The following CWC27 variants were observed in gnomAD, a reference collection of about 807,000 sequenced individuals.
CWC27 encodes CWC27 spliceosome associated cyclophilin, also known as spliceosome-associated protein CWC27 homolog.
A neutral mutation model predicts 63.6 loss-of-function variants in CWC27; 47 were observed. The observed-to-expected ratio is 0.74, with a 90% CI of 0.58 to 0.94. The LOEUF (loss-of-function observed/expected upper bound fraction) is 0.94. Ranked by LOEUF, CWC27 falls within the 40% of genes least tolerant of loss-of-function variation. The pLI, the probability that CWC27 is intolerant of heterozygous loss-of-function variation, is 0.00. For missense variants in CWC27, 495 were observed against 554.3 expected (o/e 0.89, Z 1.07); for synonymous variants, 175 against 179.8 (o/e 0.97, Z 0.22).
At chr5:64,937,192 G>A (rs1002966529) in intron 11 of CWC27, among the ~76,000 whole-genome samples, 11 of 152,130 alleles carry the variant, frequency 7.2e-5, no homozygotes, top group African/African-American at 2.2e-4. Context: ...TAATGTTATG[G>A]TGTCGATTTT....
At chr5:64,944,342 C>A (rs1177289252) in intron 11 of CWC27, among the ~76,000 whole-genome samples, 1 of 152,092 alleles carries the variant, frequency 6.6e-6, no homozygotes, top group African/African-American at 2.4e-5. Flanking sequence ...GTTAGACTTC[C>A]GTTCACACAC....
intron 11 of CWC27, among the ~76,000 whole-genome samples, chr5:64,933,795 G>A (rs1166793850): frequency 2.0e-5 from 3 of 152,142 alleles, no homozygotes; most frequent in South Asian, 2.1e-4. Flanking sequence ...CTAGCCACAT[G>A]CATACATTTT....
chr5:64,784,866 T>TC (rs1430327806), intron 4 of CWC27, among the ~76,000 whole-genome samples: 1 of 152,176 alleles, frequency 6.6e-6, no homozygotes, highest in Non-Finnish European at 1.5e-5. Flanking sequence ...GTTTATAGAT[T>TC]CCCTCCATTT....
intron 11 of CWC27, among the ~76,000 whole-genome samples, chr5:64,905,284 A>G (rs1747607989): frequency 6.6e-6 from 1 of 150,476 alleles, no homozygotes; most frequent in African/African-American, 2.5e-5. Flanking sequence ...TACCTTCTCC[A>G]CACTCAAGCT....
intron 13 of CWC27, among the ~76,000 whole-genome samples, chr5:64,994,478 TA>T (rs948545256): frequency 2.0e-5 from 3 of 152,208 alleles, no homozygotes; most frequent in Admixed American, 6.5e-5. Context: ...GGTAGGCTTT[TA>T]AAAAAACTTT....
At chr5:64,793,928 A>G (rs555939936) in intron 7 of CWC27, among the ~76,000 whole-genome samples, 4 of 152,250 alleles carry the variant, frequency 2.6e-5, no homozygotes, top group African/African-American at 9.6e-5. Flanking sequence ...GTGGGATTAC[A>G]GACACCCCTT....
chr5:64,802,412 T>G (rs1744519878), intron 9 of CWC27, among the ~76,000 whole-genome samples: 1 of 151,922 alleles, frequency 6.6e-6, no homozygotes, highest in Admixed American at 6.6e-5. Context: ...GGGGTTTGAG[T>G]TTTTTCCTAA....
chr5:64,880,958 T>A (rs1746922785), intron 10 of CWC27, among the ~76,000 whole-genome samples: 1 of 151,010 alleles, frequency 6.6e-6, no homozygotes, highest in African/African-American at 2.4e-5. Context: ...TGGCAGTATA[T>A]GGTGACATAT....
intron 8 of CWC27, 55 bp downstream of exon 8, chr5:64,800,382 T>G (rs1744447852): frequency 1.5e-6 from 2 of 1,308,460 alleles, no homozygotes; most frequent in Non-Finnish European, 2.2e-6. Flanking sequence ...TCAGATAATT[T>G]TCTTGCTTCT....
At chr5:64,945,628 A>G (rs1258178662) in intron 11 of CWC27, among the ~76,000 whole-genome samples, 1 of 152,134 alleles carries the variant, frequency 6.6e-6, no homozygotes, top group Non-Finnish European at 1.5e-5. Context: ...GATAACAGGT[A>G]TTTTGCACAA....
chr5:64,849,491 G>A (rs1746078265), intron 10 of CWC27, among the ~76,000 whole-genome samples: 1 of 152,134 alleles, frequency 6.6e-6, no homozygotes, highest in Admixed American at 6.5e-5. Context: ...TAGATCATGG[G>A]GGTGGTTTCT....
In CWC27 at chr5:65,016,976, G is replaced by A. The variant is rs555438148; in HGVS notation, c.1257-1183G>A. 1.7e-4 allele frequency among the ~76,000 whole-genome samples: 26 copies of A among 152,304 alleles called. 1 individual carries two copies. The highest frequency in any genetic ancestry group is 6.3e-4 in the African/African-American group (26 of 41,570). On this transcript the variant is annotated intron_variant, in intron 13 of 13. Coordinates refer to ENST00000381070, the MANE Select transcript of CWC27 (RefSeq NM_005869.4). ...CCTATCTGCTGTGATGAAGAAAAGTGTGTATAGGATATAACTGGTAGGAAA... is the reference window on the plus strand; with the variant it reads ...CCTATCTGCTGTGATGAAGAAAAGTATGTATAGGATATAACTGGTAGGAAA...
At chr5:64,794,436 TGTGAGTCCTAGTTGAA>T (rs1744186965) in intron 7 of CWC27, among the ~76,000 whole-genome samples, 1 of 152,094 alleles carries the variant, frequency 6.6e-6, no homozygotes, top group South Asian at 2.1e-4. Flanking sequence ...CATAATAGCC[TGTGAGTCCTAGTTGAA>T]TTACTAAGAA....
intron 11 of CWC27, among the ~76,000 whole-genome samples, chr5:64,919,172 G>A (rs949924238): frequency 1.5e-4 from 23 of 152,062 alleles, no homozygotes; most frequent in African/African-American, 3.6e-4. Flanking sequence ...GTGTACACAC[G>A]TATATGCTGC....
At chr5:64,951,549 A>C (rs1748709086) in intron 11 of CWC27, among the ~76,000 whole-genome samples, 1 of 151,888 alleles carries the variant, frequency 6.6e-6, no homozygotes, top group Non-Finnish European at 1.5e-5. Context: ...AATGGTTTTT[A>C]GTTTATTCAT....
chr5:64,925,315 C>T (rs1748084403), intron 11 of CWC27, among the ~76,000 whole-genome samples: 1 of 152,160 alleles, frequency 6.6e-6, no homozygotes, highest in South Asian at 2.1e-4. Flanking sequence ...CTTGATTCTG[C>T]TTTTACACAT....
At chr5:64,855,885 T>G (rs1394105705) in intron 10 of CWC27, among the ~76,000 whole-genome samples, 2 of 152,112 alleles carry the variant, frequency 1.3e-5, no homozygotes, top group Non-Finnish European at 2.9e-5. Context: ...AAGAAATTCT[T>G]TCCTGTTTTA....
intron 10 of CWC27, among the ~76,000 whole-genome samples, chr5:64,870,228 A>T (rs1746636092): frequency 6.6e-6 from 1 of 152,102 alleles, no homozygotes; most frequent in South Asian, 2.1e-4. Context: ...TAAAATTGCC[A>T]TGGAAATATT....
chr5:64,908,861 T>C (rs535712504), intron 11 of CWC27, among the ~76,000 whole-genome samples: 1 of 152,366 alleles, frequency 6.6e-6, no homozygotes, highest in East Asian at 1.9e-4. Flanking sequence ...TGTCTTTTAA[T>C]TGGGGCATTT....
Sources: gnomAD v4.1 joint callset for allele counts (sites outside exome capture counted in the v4.1 genomes callset) on GRCh38, gnomAD v4.1.1 for gene constraint, MANE v1.5 for transcripts, NCBI Gene and HGNC (gene_info 2026-07-23, HGNC 2026-07-21) for gene names.